BCL2L11: variants seen among roughly 807,000 people sequenced by gnomAD.
The protein encoded by BCL2L11 is bcl-2-like protein 11.
Under a neutral mutation model 20.6 loss-of-function variants are expected in BCL2L11, and 15 were observed. That is an observed-to-expected ratio of 0.73 (90% CI 0.49 to 1.12). BCL2L11 has a LOEUF of 1.12. Among genes scored for constraint, BCL2L11 ranks in the 50% most tolerant of loss-of-function variants. BCL2L11 has a pLI of 0.00. For missense variants in BCL2L11, 292 were observed against 260.9 expected (o/e 1.12, Z -0.82); for synonymous variants, 108 against 92.8 (o/e 1.16, Z -0.94).
chr2:111,138,280 AT>A (rs1375113244), intron 2 of BCL2L11, among the ~76,000 whole-genome samples: 1 of 152,150 alleles, frequency 6.6e-6, no homozygotes, highest in African/African-American at 2.4e-5. Flanking sequence ...AAGTGCTGAG[AT>A]TACAGGCGTT....
At chr2:111,153,851 T>G (rs1221835635) in intron 3 of BCL2L11, 2 of 1,551,342 alleles carry the variant, frequency 1.3e-6, no homozygotes, top group Admixed American at 2.0e-5. Flanking sequence ...GGGAAGCGTT[T>G]GAGACGGAGC....
chr2:111,158,204 T>G (rs2078114976), intron 3 of BCL2L11, among the ~76,000 whole-genome samples: 1 of 152,216 alleles, frequency 6.6e-6, no homozygotes, highest in South Asian at 2.1e-4. Context: ...GGCCTTTTTC[T>G]CTCTGACTTC....
intron 2 of BCL2L11, among the ~76,000 whole-genome samples, chr2:111,133,793 T>C (rs1170661030): frequency 6.6e-6 from 1 of 152,202 alleles, no homozygotes; most frequent in African/African-American, 2.4e-5. Flanking sequence ...GATTTTACTG[T>C]CTTGTTCTGT....
At chr2:111,143,936 GA>G (rs914274795) in intron 2 of BCL2L11, among the ~76,000 whole-genome samples, 1 of 152,118 alleles carries the variant, frequency 6.6e-6, no homozygotes, top group Admixed American at 6.5e-5. Flanking sequence ...GTGAATGAGG[GA>G]AAAAATCTCA....
intron 2 of BCL2L11, among the ~76,000 whole-genome samples, chr2:111,128,466 G>A (rs112735517): frequency 2.0e-5 from 3 of 152,238 alleles, no homozygotes; most frequent in African/African-American, 7.2e-5. Context: ...ACTTGGAAGT[G>A]GAATTGCTGG....
chr2:111,153,107 G>A (rs919514234), intron 3 of BCL2L11, among the ~76,000 whole-genome samples: 1 of 152,150 alleles, frequency 6.6e-6, no homozygotes, highest in African/African-American at 2.4e-5. Context: ...GCTGGGTACG[G>A]TGGCTCACAC....
chr2:111,143,396 T>C (rs1441115030), intron 2 of BCL2L11, among the ~76,000 whole-genome samples: 1 of 152,026 alleles, frequency 6.6e-6, no homozygotes, highest in Non-Finnish European at 1.5e-5. Context: ...ACAAGGCACA[T>C]GGAAAGAACT....
In BCL2L11 at chr2:111,159,031, T is replaced by C. The variant is rs766978640; in HGVS notation, c.499-5102T>C. On this transcript the variant is annotated intron_variant, in intron 3 of 3. Transcript: ENST00000393256. ...TGAGTGGGCTGTATTCTGAGCTGCA[T>C]TGTAGGAATCACTTAGTGATTCTCA... Among the ~76,000 whole-genome samples the C allele has an allele frequency of 3.9e-5, 6 of 152,194 alleles. No homozygotes were observed. In the East Asian group the frequency reaches 1.2e-3, roughly 29 times the overall value.
intron 1 of BCL2L11, chr2:111,123,476 G>C (rs1264790047): frequency 1.0e-6 from 1 of 985,444 alleles, no homozygotes; most frequent in Non-Finnish European, 1.2e-6. Context: ...CTCTGGAAAC[G>C]CATGTGTGTG....
chr2:111,146,259 C>T (rs2076496860), intron 2 of BCL2L11: 2 of 974,648 alleles, frequency 2.1e-6, no homozygotes, highest in East Asian at 1.1e-4. Flanking sequence ...TAAGAGCTTT[C>T]ATTTCAAATA....
intron 2 of BCL2L11, 119 bp downstream of exon 2, chr2:111,124,258 A>T (rs2150149146): frequency 2.6e-6 from 3 of 1,154,288 alleles, no homozygotes; most frequent in African/African-American, 1.6e-5. Context: ...CCATCTTTAG[A>T]TGGGAATGGA....
At position 111,123,787 on chromosome 2, in the gene BCL2L11, A is replaced by G; in HGVS notation, c.42A>G (p.Arg14=). ...QPSDVSSECD[R]EGRQLQPAER... ...CTGATGTAAGTTCTGAGTGTGACCGAGAAGGTAGACAATTGCAGCCTGCGG... is the reference window on the plus strand; with the variant it reads ...CTGATGTAAGTTCTGAGTGTGACCGGGAAGGTAGACAATTGCAGCCTGCGG... The change falls in exon 2 of 4, where the codon CGA becomes CGG. Residue 14 remains arginine (R), a synonymous_variant. Transcript: ENST00000393256. 1 of 1,452,142 alleles carries G rather than the reference A, an allele frequency of 6.9e-7. No individual in the cohort carries two copies. The highest frequency in any genetic ancestry group is 9.1e-7 in the Non-Finnish European group (1 of 1,098,006). 90.0% of individuals were successfully genotyped at this position (1,452,142 alleles called of 1,614,324 possible). A position where few individuals can be genotyped will look rare whatever the true frequency, so the allele number is the denominator to read the frequency against.
At chr2:111,156,304 A>G (rs1330284598) in intron 3 of BCL2L11, among the ~76,000 whole-genome samples, 3 of 152,368 alleles carry the variant, frequency 2.0e-5, no homozygotes, top group South Asian at 2.1e-4. Flanking sequence ...TAACTCATGC[A>G]ATGATAGGTT....
chr2:111,125,085 A>G (rs777493252), intron 2 of BCL2L11, among the ~76,000 whole-genome samples: 2 of 152,168 alleles, frequency 1.3e-5, no homozygotes, highest in Admixed American at 6.5e-5. Context: ...TGCCCCTTCT[A>G]TGTTTGGGCC....
intron 2 of BCL2L11, among the ~76,000 whole-genome samples, chr2:111,148,365 C>T (rs1390762989): frequency 2.0e-5 from 3 of 152,178 alleles, no homozygotes; most frequent in Non-Finnish European, 4.4e-5. Context: ...GCTTCTAAAT[C>T]AGGGAAAGAA....
At position 111,123,972 on chromosome 2, in the gene BCL2L11, G is replaced by C; in HGVS notation, c.227G>C (p.Arg76Thr). 1 of 1,614,230 alleles carries C rather than the reference G, an allele frequency of 6.2e-7. No homozygotes were observed. The highest frequency in any genetic ancestry group is 1.1e-5 in the South Asian group (1 of 91,088). ...GCCAGCCCTGGCCCTTTTGCTACCA[G>C]ATCCCCGCTTTTCATCTTTATGAGA... is the stretch of plus-strand genomic sequence containing the variant. ...PPASPGPFATRSPLFIFMRRS... is the reference protein window; with the variant it reads ...PPASPGPFATTSPLFIFMRRS... Residue 76 changes from arginine to threonine, a missense_variant, in exon 2 of 4, where the codon AGA becomes ACA. By Grantham distance (71) the Arg-to-Thr change is moderately conservative. Transcript: ENST00000393256.
rs767327433 is a variant in BCL2L11 at position 111,124,020 on chromosome 2, C to T, written c.275C>T (p.Ser92Phe). 7 of 1,614,110 alleles carry T rather than the reference C, an allele frequency of 4.3e-6. No individual in the cohort carries two copies. Among genetic ancestry groups the T allele is most frequent in the South Asian group, 1.1e-5 (1 of 91,094 alleles). The change falls in exon 2 of 4, where the codon TCC (serine) becomes TTC (phenylalanine). Residue 92 changes from serine (S) to phenylalanine (F), a missense_variant. By Grantham distance (155) the Ser-to-Phe change is radical. Transcript: ENST00000393256. ...AGAAGATCCTCCCTGCTGTCTCGAT[C>T]CTCCAGTGGGTATTTCTCTTTTGAC... ...FMRRSSLLSR[S>F]SSGYFSFDTD...
intron 2 of BCL2L11, among the ~76,000 whole-genome samples, chr2:111,146,533 A>G (rs1341187332): frequency 6.6e-6 from 1 of 152,202 alleles, no homozygotes; most frequent in Non-Finnish European, 1.5e-5. Context: ...CTTTTGGAAG[A>G]CCATACCGGT....
chr2:111,124,384 G>A (rs560008525), intron 2 of BCL2L11, among the ~76,000 whole-genome samples: 9 of 151,616 alleles, frequency 5.9e-5, no homozygotes, highest in Non-Finnish European at 1.0e-4. Flanking sequence ...TCCACCTCCC[G>A]GGTTCAAGCA....
Sources: gnomAD v4.1 joint callset for allele counts (sites outside exome capture counted in the v4.1 genomes callset) on GRCh38, gnomAD v4.1.1 for gene constraint, MANE v1.5 for transcripts, NCBI Gene and HGNC (gene_info 2026-07-23, HGNC 2026-07-21) for gene names.